PDE4D: variants seen among roughly 807,000 people sequenced by gnomAD.
The protein encoded by PDE4D is 3',5'-cyclic-AMP phosphodiesterase 4D.
PDE4D carries 24 observed loss-of-function variants against 87.4 expected under a neutral mutation model. The ratio of observed to expected loss-of-function variants is 0.27; its 90% CI spans 0.20 to 0.39. The LOEUF is 0.39. PDE4D is among the 10% of genes least tolerant of loss of function. PDE4D has a pLI of 1.00. For missense variants in PDE4D, 714 were observed against 1,041.0 expected (o/e 0.69, Z 4.32); for synonymous variants, 384 against 383.2 (o/e 1.00, Z -0.02).
intron 3 of PDE4D, among the ~76,000 whole-genome samples, chr5:59,910,619 GT>G (rs762037466): frequency 7.9e-5 from 12 of 152,142 alleles, no homozygotes; most frequent in Non-Finnish European, 1.8e-4. Context: ...CATTTTGACT[GT>G]TTTATACCCA....
Position 59,477,353 on chromosome 5 carries a change from T to TAAA in PDE4D, c.456-261388_456-261386dup, listed in dbSNP as rs35047246. Among the ~76,000 whole-genome samples the TAAA allele has an allele frequency of 1.2e-4, 11 of 88,174 alleles. No individual in the cohort carries two copies. In the East Asian group the frequency reaches 1.9e-3, roughly 15 times the overall value. 57.8% of individuals were successfully genotyped at this position (88,174 alleles called of 152,430 possible). A position where few individuals can be genotyped will look rare whatever the true frequency, so the allele number is the denominator to read the frequency against. ...ATGTACCCTAAAACTTAGAGTATAA[T>TAAA]AAAAAAAAAAAAAAAAAAAAATTAA... On this transcript the variant is annotated intron_variant, in intron 1 of 14. Transcript: ENST00000340635.
chr5:59,988,808 A>T (rs1762708161), intron 2 of PDE4D: 1 of 643,116 alleles, frequency 1.6e-6, no homozygotes, highest in African/African-American at 1.8e-5. Flanking sequence ...TGGGAAAGAA[A>T]TTAAGTAAAA....
chr5:59,449,337 G>A (rs568427480), intron 1 of PDE4D, among the ~76,000 whole-genome samples: 1 of 152,270 alleles, frequency 6.6e-6, no homozygotes, highest in African/African-American at 2.4e-5. Flanking sequence ...TGAGGCCCAG[G>A]AAAAGTTTGT....
chr5:59,353,360 C>T (rs1336155604), intron 1 of PDE4D, among the ~76,000 whole-genome samples: 1 of 87,150 alleles, frequency 1.1e-5, no homozygotes, highest in East Asian at 3.3e-4. Context: ...CGTTTTTCCC[C>T]ATTTTTTTTT....
chr5:59,638,046 T>C (rs1740896141), intron 1 of PDE4D, among the ~76,000 whole-genome samples: 1 of 152,222 alleles, frequency 6.6e-6, no homozygotes, highest in Non-Finnish European at 1.5e-5. Flanking sequence ...TTCATATTAC[T>C]TAATGTTGTT....
intron 1 of PDE4D, among the ~76,000 whole-genome samples, chr5:59,293,106 G>T (rs1401534515): frequency 6.6e-6 from 1 of 152,108 alleles, no homozygotes; most frequent in Non-Finnish European, 1.5e-5. Context: ...CTGGGAAGAA[G>T]AATACAATTC....
chr5:60,113,582 G>A (rs1262175181), intron 2 of PDE4D, among the ~76,000 whole-genome samples: 1 of 152,164 alleles, frequency 6.6e-6, no homozygotes, highest in East Asian at 1.9e-4. Context: ...TCCTTTGGGG[G>A]CCATACATGG....
rs1174788945 is a variant in PDE4D at position 59,395,865 on chromosome 5, A to C, written c.456-179897T>G. 4.2e-5 allele frequency among the ~76,000 whole-genome samples: 5 copies of C among 118,732 alleles called. 1 individual carries two copies. Among genetic ancestry groups the C allele is most frequent in the Non-Finnish European group, 8.9e-5 (5 of 56,100 alleles). 77.9% of individuals were successfully genotyped at this position (118,732 alleles called of 152,430 possible). ...TTTAGAAGAATGTATAACTAGAATA[A>C]CCAATACAGAGAAGTGCTTAAAGGA... On this transcript the variant is annotated intron_variant, in intron 1 of 14. Transcript: ENST00000340635.
At chr5:60,001,540 T>C (rs1282719271) in intron 2 of PDE4D, among the ~76,000 whole-genome samples, 1 of 152,094 alleles carries the variant, frequency 6.6e-6, no homozygotes, top group Non-Finnish European at 1.5e-5. Flanking sequence ...AATAACAACA[T>C]AAATACATAT....
chr5:59,255,349 G>C (rs530635712), intron 1 of PDE4D, among the ~76,000 whole-genome samples: 1 of 152,168 alleles, frequency 6.6e-6, no homozygotes, highest in South Asian at 2.1e-4. Flanking sequence ...GAAACATTCA[G>C]AGTAGGCAAA....
At chr5:59,614,382 GTTTTATC>G (rs1829393401) in intron 1 of PDE4D, among the ~76,000 whole-genome samples, 1 of 152,026 alleles carries the variant, frequency 6.6e-6, no homozygotes, top group South Asian at 2.1e-4. Context: ...TTATGATTTT[GTTTTATC>G]TTTTAACTAA....
rs373567338 is a variant in PDE4D at position 59,713,283 on chromosome 5, C to T, written c.455+179885G>A. Among the ~76,000 whole-genome samples, 19 of 152,322 alleles carry T rather than the reference C, an allele frequency of 1.2e-4. No homozygotes were observed. In the South Asian group the frequency reaches 2.5e-3, roughly 20 times the overall value. On this transcript the variant is annotated intron_variant, in intron 1 of 14. Coordinates refer to ENST00000340635, the MANE Select transcript of PDE4D (RefSeq NM_001104631.2). ...GCTGCAGTCAATAGGCTGAGGCAGACATCAGGTCCAGCATGACTCAGCAAG... is the reference window on the plus strand; with the variant it reads ...GCTGCAGTCAATAGGCTGAGGCAGATATCAGGTCCAGCATGACTCAGCAAG...
At chr5:59,037,164 T>C (rs538316568) in intron 6 of PDE4D, among the ~76,000 whole-genome samples, 19 of 152,368 alleles carry the variant, frequency 1.2e-4, no homozygotes, top group Middle Eastern at 3.4e-3. Flanking sequence ...ACATTCAGTT[T>C]TAAATCCAAA....
At chr5:59,101,361 A>C (rs1172453282) in intron 5 of PDE4D, among the ~76,000 whole-genome samples, 1 of 152,148 alleles carries the variant, frequency 6.6e-6, no homozygotes, top group Non-Finnish European at 1.5e-5. Flanking sequence ...CGCTATCCTC[A>C]AACTGTACCA....
At chr5:60,359,285 G>A (rs1759868433) in intron 1 of PDE4D, among the ~76,000 whole-genome samples, 1 of 152,208 alleles carries the variant, frequency 6.6e-6, no homozygotes, top group African/African-American at 2.4e-5. Flanking sequence ...GCACAAGCCT[G>A]TGATCCCAGC....
intron 5 of PDE4D, among the ~76,000 whole-genome samples, chr5:59,117,247 T>C (rs978794963): frequency 1.3e-5 from 2 of 152,224 alleles, no homozygotes; most frequent in Non-Finnish European, 2.9e-5. Flanking sequence ...CTCACTGCTA[T>C]CAATAATTCA....
rs183641290 is a variant in PDE4D at position 60,049,762 on chromosome 5, T to C, written c.43-61045A>G. 7.4e-3 allele frequency among the ~76,000 whole-genome samples: 1,132 copies of C among 152,296 alleles called. 13 individuals are homozygous for C. Among genetic ancestry groups the C allele is most frequent in the African/African-American group, 0.026 (1,086 of 41,572 alleles). On this transcript the variant is annotated intron_variant, in intron 2 of 16. Coordinates refer to the PDE4D transcript ENST00000502484. ...CTGCATGCTGGGAGAACCACTGCTC[T>C]CTTCAAAGCTGTCAGACAAGGACAT... is the stretch of plus-strand genomic sequence containing the variant.
In PDE4D at chr5:59,410,587, G is replaced by T. The variant is rs188128786; in HGVS notation, c.456-194619C>A. Among the ~76,000 whole-genome samples the T allele has an allele frequency of 1.7e-4, 26 of 152,144 alleles. No homozygotes were observed. In the East Asian group the frequency reaches 5.0e-3, roughly 29 times the overall value. Reference sequence around the variant, plus strand: ...ATTTTAGTTACCAAAAATTAGTGAGGACATATGCAGTTTATCTTTCTGTAC... The same window carrying T: ...ATTTTAGTTACCAAAAATTAGTGAGTACATATGCAGTTTATCTTTCTGTAC... On this transcript the variant is annotated intron_variant, in intron 1 of 14. Coordinates refer to ENST00000340635, the MANE Select transcript of PDE4D (RefSeq NM_001104631.2).
chr5:59,472,441 G>A (rs1466952352), intron 1 of PDE4D, among the ~76,000 whole-genome samples: 1 of 152,110 alleles, frequency 6.6e-6, no homozygotes, highest in Non-Finnish European at 1.5e-5. Context: ...TTCCCCAAAG[G>A]CAGCAACCCA....
Sources: allele counts gnomAD v4.1 joint callset (sites outside exome capture counted in the v4.1 genomes callset), GRCh38; gene constraint gnomAD v4.1.1; transcripts MANE v1.5; gene names NCBI Gene and HGNC (gene_info 2026-07-23, HGNC 2026-07-21).